PRSS23: variants seen among roughly 807,000 people sequenced by gnomAD.
PRSS23 encodes serine protease 23.
PRSS23 carries 25 observed loss-of-function variants against 34.7 expected under a neutral mutation model. The ratio of observed to expected loss-of-function variants is 0.72; its 90% CI spans 0.53 to 1.01. The LOEUF (loss-of-function observed/expected upper bound fraction) is 1.01. Among genes scored for constraint, PRSS23 ranks in the 50% least tolerant of loss-of-function variants. PRSS23 has a pLI of 0.00. For missense variants in PRSS23, 445 were observed against 475.6 expected (o/e 0.94, Z 0.60); for synonymous variants, 176 against 186.6 (o/e 0.94, Z 0.46).
chr11:86,925,864 G>A (rs932392490), intron 2 of PRSS23, among the ~76,000 whole-genome samples: 1 of 152,162 alleles, frequency 6.6e-6, no homozygotes, highest in South Asian at 2.1e-4. Context: ...CATAGCAAAT[G>A]TGCTACTTTT....
At chr11:86,936,536 G>A (rs528208151) in intron 2 of PRSS23, 1 of 152,310 alleles carries the variant, frequency 6.6e-6, no homozygotes, top group South Asian at 2.1e-4. Flanking sequence ...CAAAGTGCTG[G>A]GATTACAGGC....
intron 2 of PRSS23, among the ~76,000 whole-genome samples, chr11:86,915,693 A>G (rs1026911493): frequency 2.6e-5 from 4 of 151,766 alleles, no homozygotes; most frequent in Non-Finnish European, 5.9e-5. Context: ...CCAACAATAG[A>G]TTGACCAACT....
intron 2 of PRSS23, among the ~76,000 whole-genome samples, chr11:86,845,126 A>T (rs1035728832): frequency 1.3e-5 from 2 of 151,956 alleles, no homozygotes; most frequent in African/African-American, 4.8e-5. Flanking sequence ...AGTCGAAGTC[A>T]CACTGATCAC....
downstream of PRSS23, among the ~76,000 whole-genome samples, chr11:86,812,403 A>G (rs998648028): frequency 1.3e-5 from 2 of 152,200 alleles, no homozygotes; most frequent in African/African-American, 2.4e-5. Context: ...CATGGCAGAC[A>G]TGAGGCCATT....
intron 2 of PRSS23, among the ~76,000 whole-genome samples, chr11:86,851,032 A>G (rs12808837): frequency 0.069 from 10,503 of 152,242 alleles, 461 homozygotes; most frequent in East Asian, 0.16. Flanking sequence ...GTGGCTAGGC[A>G]AGAACCTTAG....
chr11:86,875,240 G>A (rs895858213), intron 2 of PRSS23, among the ~76,000 whole-genome samples: 8 of 152,084 alleles, frequency 5.3e-5, no homozygotes, highest in South Asian at 2.1e-4. Flanking sequence ...GTGTGGTGGC[G>A]GGTGCCTGTA....
At chr11:86,852,921 TCGG>T (rs1948540767) in intron 2 of PRSS23, among the ~76,000 whole-genome samples, 2 of 152,334 alleles carry the variant, frequency 1.3e-5, no homozygotes, top group South Asian at 4.1e-4. Context: ...TGGCATGATC[TCGG>T]CTCACTGCAA....
At chr11:86,931,951 G>A (rs1335146245) in intron 2 of PRSS23, among the ~76,000 whole-genome samples, 1 of 152,156 alleles carries the variant, frequency 6.6e-6, no homozygotes, top group African/African-American at 2.4e-5. Flanking sequence ...ACATGTATAA[G>A]AGGGCAAACA....
chr11:86,798,431 C>A (rs551538666), upstream of PRSS23, among the ~76,000 whole-genome samples: 3 of 152,136 alleles, frequency 2.0e-5, no homozygotes, highest in East Asian at 5.8e-4. Context: ...ATGGTGTGGG[C>A]AAAGGAGATA....
At chr11:86,848,203 G>T (rs538213120) in intron 2 of PRSS23, among the ~76,000 whole-genome samples, 2 of 152,226 alleles carry the variant, frequency 1.3e-5, no homozygotes, top group Non-Finnish European at 2.9e-5. Flanking sequence ...AAGGATTAGA[G>T]CAGTCCTTTG....
chr11:86,916,655 C>T (rs969582195), intron 2 of PRSS23, among the ~76,000 whole-genome samples: 1 of 152,178 alleles, frequency 6.6e-6, no homozygotes, highest in Non-Finnish European at 1.5e-5. Context: ...CAAACTGGCT[C>T]CCCTTCCCAG....
At chr11:86,935,669 GT>G (rs1949156773) in intron 2 of PRSS23, 1 of 152,078 alleles carries the variant, frequency 6.6e-6, no homozygotes, top group African/African-American at 2.4e-5. Flanking sequence ...GACTCTAAAA[GT>G]TAGACATTAT....
At chr11:86,901,350 T>A (rs879269897) in intron 2 of PRSS23, among the ~76,000 whole-genome samples, 1 of 152,164 alleles carries the variant, frequency 6.6e-6, no homozygotes, top group Non-Finnish European at 1.5e-5. Context: ...GTTTAGAGAA[T>A]AAATGAATGG....
At chr11:86,834,494 G>A (rs148425260) in intron 2 of PRSS23, among the ~76,000 whole-genome samples, 85 of 150,538 alleles carry the variant, frequency 5.6e-4, no homozygotes, top group African/African-American at 1.1e-3. Flanking sequence ...TCTGCTTGGT[G>A]ATTCCCTTCT....
At position 86,808,165 on chromosome 11, in the gene PRSS23, C is replaced by G. The variant is rs1948128722; in HGVS notation, c.522C>G (p.Ala174=). The G allele has an allele frequency of 6.2e-7, 1 of 1,614,064 alleles. No homozygotes were observed. Among genetic ancestry groups the G allele is most frequent in the South Asian group, 1.1e-5 (1 of 91,088 alleles). ...CAGAGAAGCATGTCCTCACAGCTGC[C>G]CACTGCATACACGATGGAAAAACCT... is the stretch of plus-strand genomic sequence containing the variant. ...LVAEKHVLTA[A]HCIHDGKTYV... The change falls in exon 2 of 2, where the codon GCC becomes GCG. Residue 174 remains alanine (A), a synonymous_variant. Coordinates refer to ENST00000280258, the MANE Select transcript of PRSS23 (RefSeq NM_007173.6).
At chr11:86,823,230 A>G in intron 1 of PRSS23, 1 of 610,770 alleles carries the variant, frequency 1.6e-6, no homozygotes, top group Non-Finnish European at 2.9e-6. Context: ...AGTATTCCTA[A>G]TCTGTAAAAG....
chr11:86,851,093 A>G (rs1179241675), intron 2 of PRSS23, among the ~76,000 whole-genome samples: 1 of 152,222 alleles, frequency 6.6e-6, no homozygotes, highest in Non-Finnish European at 1.5e-5. Context: ...ATAAGTAGAA[A>G]GGGTGGCATT....
intron 2 of PRSS23, among the ~76,000 whole-genome samples, chr11:86,859,709 CT>C (rs1415311293): frequency 6.6e-6 from 1 of 151,918 alleles, no homozygotes; most frequent in African/African-American, 2.4e-5. Context: ...TACACCCCCC[CT>C]TCATAATATC....
chr11:86,857,600 A>G, intron 2 of PRSS23: 4 of 509,634 alleles, frequency 7.8e-6, no homozygotes, highest in South Asian at 1.5e-5. Flanking sequence ...GTGAGGATTC[A>G]TGATGACTCG....
Sources: gnomAD v4.1 joint callset for allele counts (sites outside exome capture counted in the v4.1 genomes callset) on GRCh38, gnomAD v4.1.1 for gene constraint, MANE v1.5 for transcripts, NCBI Gene and HGNC (gene_info 2026-07-23, HGNC 2026-07-21) for gene names.